FMN1: variants seen among roughly 807,000 people sequenced by gnomAD.
FMN1 encodes formin 1, also known as formin-1.
Under a neutral mutation model 132.4 loss-of-function variants are expected in FMN1, and 110 were observed. The ratio of observed to expected loss-of-function variants is 0.83; its 90% CI spans 0.71 to 0.97. The LOEUF (loss-of-function observed/expected upper bound fraction) is 0.97, where lower values mean the gene tolerates loss of function less well. Among genes scored for constraint, FMN1 ranks in the 50% least tolerant of loss-of-function variants. FMN1 has a pLI of 0.00. For missense variants in FMN1, 1,792 were observed against 1,705.3 expected (o/e 1.05, Z -0.90); for synonymous variants, 722 against 651.7 (o/e 1.11, Z -1.64).
At chr15:33,081,676 G>A (rs2038465846) in intron 5 of FMN1, among the ~76,000 whole-genome samples, 2 of 152,180 alleles carry the variant, frequency 1.3e-5, no homozygotes, top group Non-Finnish European at 2.9e-5. Context: ...AGCGGTAGAA[G>A]GACTTAACAT....
At chr15:32,918,180 A>G (rs990836976) in intron 10 of FMN1, among the ~76,000 whole-genome samples, 4 of 152,192 alleles carry the variant, frequency 2.6e-5, no homozygotes, top group Non-Finnish European at 5.9e-5. Context: ...CTAGTAACAT[A>G]AAGTCTAATT....
chr15:33,015,353 A>T (rs1398298709), intron 6 of FMN1, among the ~76,000 whole-genome samples: 1 of 152,126 alleles, frequency 6.6e-6, no homozygotes, highest in Non-Finnish European at 1.5e-5. Flanking sequence ...CAGGGGTCAG[A>T]GTGAATGGTG....
In FMN1 at chr15:32,861,524, C is replaced by T. The variant is rs146067962; in HGVS notation, c.3836-4417G>A. 5.3e-5 allele frequency among the ~76,000 whole-genome samples: 8 copies of T among 152,310 alleles called. No individual in the cohort carries two copies. In the East Asian group the frequency reaches 1.5e-3, roughly 29 times the overall value. On this transcript the variant is annotated intron_variant, in intron 16 of 20. Transcript: ENST00000616417. ...AAATGGGGACCTCCCGCAACACAGG[C>T]ATGATATGATATTTAAGATAATACA...
chr15:33,103,049 GCACTC>G (rs2039352718), intron 4 of FMN1, among the ~76,000 whole-genome samples: 2 of 152,164 alleles, frequency 1.3e-5, no homozygotes, highest in South Asian at 2.1e-4. Flanking sequence ...CCAGTACCAG[GCACTC>G]CAGCATCTGA....
At chr15:32,988,054 T>TG in intron 7 of FMN1, among the ~76,000 whole-genome samples, 1 of 139,806 alleles carries the variant, frequency 7.2e-6, no homozygotes, top group East Asian at 2.1e-4. Flanking sequence ...CTCCAGTTTT[T>TG]TTTTTTTTTT....
intron 2 of FMN1, among the ~76,000 whole-genome samples, chr15:33,192,431 G>T (rs1034941851): frequency 2.6e-5 from 4 of 152,190 alleles, no homozygotes; most frequent in African/African-American, 9.7e-5. Flanking sequence ...GTCTAGGCAG[G>T]GTTAAGCCTG....
In FMN1 at chr15:32,847,809, C is replaced by T. The variant is rs370338682; in HGVS notation, c.3928+9206G>A. ...GGCGGAGCGTGCAGTGAGCTGAGAT[C>T]GCGCCACTGCACTCCAGCCTGGGTG... On this transcript the variant is annotated intron_variant, in intron 17 of 20. Transcript: ENST00000616417. 4.0e-3 allele frequency among the ~76,000 whole-genome samples: 607 copies of T among 152,164 alleles called. 7 individuals are homozygous for T. Among genetic ancestry groups the T allele is most frequent in the South Asian group, 0.022 (104 of 4,820 alleles).
At chr15:33,107,029 A>C (rs1253307207) in intron 4 of FMN1, among the ~76,000 whole-genome samples, 4 of 152,004 alleles carry the variant, frequency 2.6e-5, no homozygotes, top group Non-Finnish European at 5.9e-5. Context: ...TGCTTGGCTA[A>C]TACTCATTCC....
intron 7 of FMN1, among the ~76,000 whole-genome samples, chr15:33,002,656 T>C (rs2034183658): frequency 6.6e-6 from 1 of 152,160 alleles, no homozygotes; most frequent in African/African-American, 2.4e-5. Context: ...CCCCAGCAGG[T>C]TGAAGTCATA....
At chr15:33,179,337 C>A (rs1965618764) in intron 3 of FMN1, among the ~76,000 whole-genome samples, 3 of 152,076 alleles carry the variant, frequency 2.0e-5, no homozygotes, top group Admixed American at 2.0e-4. Flanking sequence ...AAATGTTGAT[C>A]CATCCCTGAT....
intron 4 of FMN1, chr15:33,105,872 T>A (rs912195006): frequency 6.6e-6 from 1 of 152,082 alleles, no homozygotes; most frequent in Non-Finnish European, 1.5e-5. Flanking sequence ...ACTCCAGATC[T>A]CATTACTGTC....
chr15:33,049,217 A>G (rs1165484411), intron 6 of FMN1, among the ~76,000 whole-genome samples: 1 of 151,940 alleles, frequency 6.6e-6, no homozygotes, highest in Non-Finnish European at 1.5e-5. Flanking sequence ...AGAAAGGGGG[A>G]ATTTTTTTTA....
At position 32,776,698 on chromosome 15, in the gene FMN1, T is replaced by TTC. The variant is rs1333345565; in HGVS notation, c.4215+136_4215+137insGA. Reference sequence around the variant, plus strand: ...TCCACCCACACATACTTTTTTTTTTTTTTTTTTAACCATATGCTACTCTGG... The same window carrying TTC: ...TCCACCCACACATACTTTTTTTTTTTTCTTTTTTTAACCATATGCTACTCTGG... On this transcript the variant is annotated intron_variant, in intron 20 of 20. Transcript: ENST00000616417. The TTC allele has an allele frequency of 6.6e-5, 37 of 563,026 alleles. No homozygotes were observed. The African/African-American group carries it at 6.8e-4, about 10-fold the overall frequency. 34.9% of individuals were successfully genotyped at this position (563,026 alleles called of 1,614,324 possible).
At chr15:33,035,216 C>T (rs2036134034) in intron 6 of FMN1, among the ~76,000 whole-genome samples, 1 of 152,030 alleles carries the variant, frequency 6.6e-6, no homozygotes, top group Non-Finnish European at 1.5e-5. Flanking sequence ...TGGCTCTAAA[C>T]ATATTTTAAG....
At chr15:32,863,065 A>G (rs2141326677) in intron 16 of FMN1, among the ~76,000 whole-genome samples, 1 of 152,356 alleles carries the variant, frequency 6.6e-6, no homozygotes, top group Admixed American at 6.5e-5. Context: ...AATGGGGCTT[A>G]GATGAGAGAC....
chr15:32,906,906 A>T lies in FMN1; in HGVS notation c.3377+1584T>A, dbSNP rs144611696. ...GATCCTGGACCATGCTCCATGTGAG[A>T]GCAAGTCATCCAAGGTTCCCAGAAC... On this transcript the variant is annotated intron_variant, in intron 12 of 20. Coordinates refer to ENST00000616417, the MANE Select transcript of FMN1 (RefSeq NM_001277313.2). Among the ~76,000 whole-genome samples the T allele has an allele frequency of 2.6e-3, 399 of 152,292 alleles. 5 individuals are homozygous for T. Among genetic ancestry groups the T allele is most frequent in the Non-Finnish European group, 1.7e-3 (117 of 68,016 alleles).
chr15:33,016,670 C>T (rs956956487), intron 6 of FMN1, among the ~76,000 whole-genome samples: 1 of 152,166 alleles, frequency 6.6e-6, no homozygotes, highest in African/African-American at 2.4e-5. Flanking sequence ...TGTCAGCGGG[C>T]CTTCAACCAG....
At chr15:33,034,598 G>GTCA (rs778597329) in intron 6 of FMN1, among the ~76,000 whole-genome samples, 12 of 151,970 alleles carry the variant, frequency 7.9e-5, no homozygotes, top group Non-Finnish European at 1.5e-4. Flanking sequence ...AACCCCTGAT[G>GTCA]TCATCCCTTA....
At position 32,842,984 on chromosome 15, in the gene FMN1, G is replaced by A. The variant is rs527742054; in HGVS notation, c.3928+14031C>T. 4.1e-4 allele frequency among the ~76,000 whole-genome samples: 62 copies of A among 151,962 alleles called. 1 individual carries two copies. The South Asian group carries it at 6.2e-3, about 15-fold the overall frequency. On this transcript the variant is annotated intron_variant, in intron 17 of 20. Transcript: ENST00000616417. ...CTACTAAAAATACAAGAAATTAGCC[G>A]GGCATGGTGGCACATGCCTGTAATC...
Sources: gnomAD v4.1 joint callset for allele counts (sites outside exome capture counted in the v4.1 genomes callset) on GRCh38, gnomAD v4.1.1 for gene constraint, MANE v1.5 for transcripts, NCBI Gene and HGNC (gene_info 2026-07-23, HGNC 2026-07-21) for gene names.